GPR158: variants seen among roughly 807,000 people sequenced by gnomAD.
GPR158 encodes G protein-coupled receptor 158.
A neutral mutation model predicts 78.2 loss-of-function variants in GPR158; 30 were observed. The observed-to-expected ratio is 0.38, with a 90% CI of 0.29 to 0.52. The LOEUF (loss-of-function observed/expected upper bound fraction) is 0.52, where lower values mean the gene tolerates loss of function less well. Ranked by LOEUF, GPR158 falls within the 20% of genes least tolerant of loss-of-function variation. GPR158 has a pLI of 0.83. For missense variants in GPR158, 1,463 were observed against 1,523.5 expected, an observed-to-expected ratio of 0.96 and a Z score of 0.66; for synonymous variants, 581 against 591.1, an observed-to-expected ratio of 0.98 and a Z score of 0.25.
Position 25,228,017 on chromosome 10 carries a change from T to G in GPR158, c.1008+6860T>G, listed in dbSNP as rs1853398012. On this transcript the variant is annotated intron_variant, in intron 2 of 10. Transcript: ENST00000376351. ...CAATATGGTAAAAATGTGTCATCAT[T>G]AAAAATGCATACTTCTTTGTTCTAC... Among the ~76,000 whole-genome samples the G allele has an allele frequency of 3.3e-5, 5 of 152,204 alleles. No individual in the cohort carries two copies. In the South Asian group the frequency reaches 8.3e-4, roughly 25 times the overall value.
At chr10:25,371,410 C>G (rs989461524) in intron 2 of GPR158, among the ~76,000 whole-genome samples, 3 of 151,636 alleles carry the variant, frequency 2.0e-5, no homozygotes, top group Non-Finnish European at 4.4e-5. Context: ...CAATCCTAAG[C>G]CAAAAGAACA....
At chr10:25,392,661 A>C (rs2009148) in intron 2 of GPR158, among the ~76,000 whole-genome samples, 14,990 of 152,168 alleles carry the variant, frequency 0.099, 828 homozygotes, top group South Asian at 0.22. Flanking sequence ...CACTATATTT[A>C]CAGTTTTTTT....
chr10:25,314,840 C>A (rs528187943), intron 2 of GPR158, among the ~76,000 whole-genome samples: 1 of 124,174 alleles, frequency 8.1e-6, no homozygotes, highest in East Asian at 2.2e-4. Context: ...TACATATACA[C>A]GTATATACAT....
intron 4 of GPR158, 99 bp from the exon 5 acceptor site, chr10:25,466,552 G>A: frequency 1.5e-6 from 1 of 672,032 alleles, no homozygotes; most frequent in South Asian, 2.1e-5. Flanking sequence ...TTCCCCCAAA[G>A]AATGCTGTCC....
chr10:25,508,194 G>T (rs1314345701), intron 5 of GPR158, among the ~76,000 whole-genome samples: 5 of 151,972 alleles, frequency 3.3e-5, no homozygotes, highest in African/African-American at 1.2e-4. Flanking sequence ...GTGACCATGA[G>T]ATCTGTGGAG....
chr10:25,419,920 A>T (rs543848567), intron 4 of GPR158, among the ~76,000 whole-genome samples: 6 of 152,302 alleles, frequency 3.9e-5, no homozygotes, highest in Non-Finnish European at 8.8e-5. Flanking sequence ...TAATGCATTT[A>T]TCCATGATTA....
chr10:25,489,085 CA>C (rs1227979997), intron 5 of GPR158, among the ~76,000 whole-genome samples: 5 of 151,978 alleles, frequency 3.3e-5, no homozygotes, highest in Admixed American at 6.6e-5. Flanking sequence ...GAAAAGTAGA[CA>C]AAAACTTGTT....
rs149360045 is a variant in GPR158, at chr10:25,412,625, A to G, written c.1335+152A>G. The G allele has an allele frequency of 2.6e-3, 1,585 of 615,398 alleles. 6 individuals are homozygous for G. Among genetic ancestry groups the G allele is most frequent in the Middle Eastern group, 7.9e-3 (18 of 2,290 alleles). 38.1% of individuals were successfully genotyped at this position (615,398 alleles called of 1,614,324 possible). A position where few individuals can be genotyped will look rare whatever the true frequency, so the allele number is the denominator to read the frequency against. On this transcript the variant is annotated intron_variant, in intron 4 of 10. Transcript: ENST00000376351. ...CTAGAACATGAAAGTTATATTCTTT[A>G]GCTGACCAGAAAAATAGAGATTAAA...
intron 2 of GPR158, among the ~76,000 whole-genome samples, chr10:25,281,725 G>T (rs75819975): frequency 0.013 from 1,941 of 152,194 alleles, 30 homozygotes; most frequent in South Asian, 0.058. Context: ...GCTTAGAAAA[G>T]AGTAGAATAA....
At chr10:25,326,322 A>T (rs1363886019) in intron 2 of GPR158, among the ~76,000 whole-genome samples, 2 of 152,172 alleles carry the variant, frequency 1.3e-5, no homozygotes, top group Admixed American at 6.5e-5. Context: ...TCCATGGTGT[A>T]TATGTACCAC....
At position 25,308,756 on chromosome 10, in the gene GPR158, T is replaced by G. The variant is rs193156332; in HGVS notation, c.1009-87155T>G. 3.4e-3 allele frequency among the ~76,000 whole-genome samples: 512 copies of G among 152,294 alleles called. 3 individuals are homozygous for G. The highest frequency in any genetic ancestry group is 0.011 in the African/African-American group (472 of 41,566). ...CCCCTAAAACCACCATTCTACTTTT[T>G]GTCTCTATGATTTTGACTGCTTTAC... On this transcript the variant is annotated intron_variant, in intron 2 of 10. Coordinates refer to ENST00000376351, the MANE Select transcript of GPR158 (RefSeq NM_020752.3).
Position 25,176,476 on chromosome 10 carries a change from GGCGCGGGTGCTTGGGGGCAAGAA to G in GPR158, c.902+159_902+181del. ...CCCGGGCTGAGGGACACCCCACGCGGGCGCGGGTGCTTGGGGGCAAGAAGCGCCCCACGCCCGTCAGCTTCCGG... is the reference window on the plus strand; with the variant it reads ...CCCGGGCTGAGGGACACCCCACGCGGGCGCCCCACGCCCGTCAGCTTCCGG... On this transcript the variant is annotated intron_variant, in intron 1 of 10. Transcript: ENST00000376351. The surrounding 1 kb of genome is among the most constrained non-coding windows in gnomAD (Gnocchi z 6.3). Among the ~76,000 whole-genome samples, 1 of 152,318 alleles carries G rather than the reference GGCGCGGGTGCTTGGGGGCAAGAA, an allele frequency of 6.6e-6. No individual in the cohort carries two copies. Among genetic ancestry groups the G allele is most frequent in the South Asian group, 2.1e-4 (1 of 4,830 alleles).
At chr10:25,524,067 A>G (rs1273166326) in intron 5 of GPR158, among the ~76,000 whole-genome samples, 1 of 152,212 alleles carries the variant, frequency 6.6e-6, no homozygotes, top group Non-Finnish European at 1.5e-5. Flanking sequence ...TAATGAAACA[A>G]TTCCATTAGA....
intron 5 of GPR158, among the ~76,000 whole-genome samples, chr10:25,476,470 T>C (rs915660912): frequency 2.6e-5 from 4 of 151,616 alleles, no homozygotes; most frequent in Non-Finnish European, 5.9e-5. Flanking sequence ...CCAATGCATA[T>C]GTAAGTAATA....
At chr10:25,584,545 T>C (rs1837243292) in intron 7 of GPR158, among the ~76,000 whole-genome samples, 1 of 152,238 alleles carries the variant, frequency 6.6e-6, no homozygotes, top group Admixed American at 6.5e-5. Context: ...TTTCTTTTTT[T>C]GAATCTTCAG....
intron 2 of GPR158, among the ~76,000 whole-genome samples, chr10:25,261,053 C>T (rs557886407): frequency 2.0e-5 from 3 of 152,264 alleles, no homozygotes; most frequent in South Asian, 4.1e-4. Flanking sequence ...GCTGTCCTAC[C>T]TGATCATGAC....
intron 5 of GPR158, among the ~76,000 whole-genome samples, chr10:25,476,510 G>C (rs543806333): frequency 7.2e-5 from 8 of 111,674 alleles, no homozygotes; most frequent in Admixed American, 6.7e-4. Context: ...TCCCTACCCC[G>C]GTCTTATAAG....
chr10:25,422,628 C>CAAAAAAAAA (rs10634150), intron 4 of GPR158, among the ~76,000 whole-genome samples: 1 of 143,210 alleles, frequency 7.0e-6, no homozygotes, highest in Non-Finnish European at 1.5e-5. Flanking sequence ...ATTGTATTTG[C>CAAAAAAAAA]AAAAAAAAAA....
rs111943824 is a variant in GPR158, at chr10:25,339,112, G to A, written c.1009-56799G>A. Among the ~76,000 whole-genome samples, 275 of 149,228 alleles carry A rather than the reference G, an allele frequency of 1.8e-3. 1 individual carries two copies. The highest frequency in any genetic ancestry group is 6.5e-3 in the African/African-American group (264 of 40,552). ...TGATTCTCCTGCCTCAGTCTTCCAA[G>A]TACCTGGGACTACAGGCTTGCACCA... On this transcript the variant is annotated intron_variant, in intron 2 of 10. Coordinates refer to ENST00000376351, the MANE Select transcript of GPR158 (RefSeq NM_020752.3).
Sources: gnomAD v4.1 joint callset for allele counts (sites outside exome capture counted in the v4.1 genomes callset) on GRCh38, gnomAD v4.1.1 for gene constraint, Gnocchi (gnomAD v3.1) non-coding constraint, MANE v1.5 for transcripts, NCBI Gene and HGNC (gene_info 2026-07-23, HGNC 2026-07-21) for gene names.